Variants in RPS6KL1 observed in about 807,000 individuals in gnomAD.
RPS6KL1 encodes ribosomal protein S6 kinase like 1.
RPS6KL1 carries 41 observed loss-of-function variants against 57.0 expected under a neutral mutation model. That is an observed-to-expected ratio of 0.72 (90% confidence interval 0.56 to 0.93). RPS6KL1 has a LOEUF of 0.93. Ranked by LOEUF, RPS6KL1 falls within the 40% of genes least tolerant of loss-of-function variation. The probability of loss-of-function intolerance (pLI) is 0.00; values close to 1 mark genes in which losing one functional copy is unlikely to be tolerated. For synonymous variants in RPS6KL1, 287 were observed against 309.7 expected (o/e 0.93, Z 0.77); for missense variants, 697 against 727.7 (o/e 0.96, Z 0.49).
chr14:74,918,518 C>T lies in RPS6KL1; in HGVS notation c.478G>A (p.Glu160Lys), dbSNP rs866027458. The change falls in exon 5 of 12, where the codon GAG becomes AAG. Residue 160 changes from glutamate to lysine, a missense_variant. Physicochemically the swap from Glu to Lys is moderately conservative, Grantham distance 56. Coordinates refer to ENST00000557413, the MANE Select transcript of RPS6KL1 (RefSeq NM_031464.5). Reference sequence around the variant, plus strand: ...GCGAGTGTCCACTCACTCACCTTCTCGATGACCCCGACCACCCTGCAGCCC... The same window carrying T: ...GCGAGTGTCCACTCACTCACCTTCTTGATGACCCCGACCACCCTGCAGCCC... ...LRGCRVVGVIEKVQLVQDPAT... is the reference protein window; with the variant it reads ...LRGCRVVGVIKKVQLVQDPAT... 1.6e-5 allele frequency: 24 copies of T among 1,531,422 alleles called. No individual in the cohort carries two copies. The highest frequency in any genetic ancestry group is 2.5e-5 in the East Asian group (1 of 40,748). 94.9% of individuals were successfully genotyped at this position (1,531,422 alleles called of 1,614,324 possible).
chr14:74,921,241 C>A, intron 3 of RPS6KL1, 36 bp downstream of exon 3: 1 of 816,856 alleles, frequency 1.2e-6, no homozygotes, highest in South Asian at 1.4e-5. Context: ...TGGCCCTTCC[C>A]CACCCACCCC....
intron 3 of RPS6KL1, among the ~76,000 whole-genome samples, chr14:74,920,826 C>A (rs575628932): frequency 6.6e-4 from 100 of 152,306 alleles, no homozygotes; most frequent in African/African-American, 2.3e-3. Context: ...TCCCAGAGGG[C>A]AGGAGCCCAG....
At position 74,907,132 on chromosome 14, in the gene RPS6KL1, G is replaced by A. The variant is rs1885030321; in HGVS notation, c.1540-8C>T. ...AGGCTCGAACTGCAGCAGCTGCAGA[G>A]AGAGGCCCAGTCAGCTGGGCCACTC... On this transcript the variant is annotated splice_region_variant and splice_polypyrimidine_tract_variant and intron_variant, in intron 11 of 11. Transcript: ENST00000557413. 1 of 1,602,968 alleles carries A rather than the reference G, an allele frequency of 6.2e-7. No individual in the cohort carries two copies. The highest frequency in any genetic ancestry group is 1.7e-4 in the Middle Eastern group (1 of 6,006).
In RPS6KL1 at chr14:74,906,732, G is replaced by A; in HGVS notation, c.*282C>T. ...CACAGAAGGCAACCTTTAACATGGT[G>A]AGTCCACATGCTCAACGGGTCTGTT... On this transcript the variant is annotated 3_prime_UTR_variant, in exon 12 of 12. Coordinates refer to ENST00000557413, the MANE Select transcript of RPS6KL1 (RefSeq NM_031464.5). 1.7e-6 allele frequency: 1 copy of A among 602,500 alleles called. No individual in the cohort carries two copies. The highest frequency in any genetic ancestry group is 3.2e-6 in the Non-Finnish European group (1 of 311,592). 37.3% of individuals were successfully genotyped at this position (602,500 alleles called of 1,614,324 possible). A position where few individuals can be genotyped will look rare whatever the true frequency, so the allele number is the denominator to read the frequency against.
chr14:74,922,316 C>G lies in RPS6KL1; in HGVS notation c.-359G>C. 1.0e-6 allele frequency: 1 copy of G among 986,352 alleles called. No homozygotes were observed. The highest frequency in any genetic ancestry group is 1.2e-6 in the Non-Finnish European group (1 of 830,560). The allele number at this position is 986,352 out of a possible 1,614,324, so 61.1% of individuals were successfully genotyped here. ...CACCCTGCCTGTTGTCTCCTCCCTG[C>G]TCCTCCTGTGGGAATCTCATTTACC... On this transcript the variant is annotated 5_prime_UTR_variant, in exon 2 of 12. Transcript: ENST00000557413.
At position 74,911,154 on chromosome 14, in the gene RPS6KL1, G is replaced by A. The variant is rs766516767; in HGVS notation, c.664+94C>T. The A allele has an allele frequency of 5.3e-5, 68 of 1,284,372 alleles. No homozygotes were observed. In the African/African-American group the frequency reaches 6.8e-4, roughly 13 times the overall value. 79.6% of individuals were successfully genotyped at this position (1,284,372 alleles called of 1,614,324 possible). ...CCCAAAGTGCTGGGATTACAGGCGT[G>A]AGCCACCACGCCCTGCCAGGGCTCC... is the stretch of plus-strand genomic sequence containing the variant. On this transcript the variant is annotated intron_variant, in intron 7 of 11. Coordinates refer to ENST00000557413, the MANE Select transcript of RPS6KL1 (RefSeq NM_031464.5).
Position 74,911,327 on chromosome 14 carries a change from G to A in RPS6KL1, c.585C>T (p.His195=), listed in dbSNP as rs150276514. The A allele has an allele frequency of 1.5e-4, 246 of 1,611,812 alleles. No individual in the cohort carries two copies. In the Middle Eastern group the frequency reaches 1.7e-3, roughly 11 times the overall value. ...GCAGCTTCGTCATGTAGGGGACTCCGTGTGGGATGATGGTCAGCCGCTCCC... is the reference window on the plus strand; with the variant it reads ...GCAGCTTCGTCATGTAGGGGACTCCATGTGGGATGATGGTCAGCCGCTCCC... The part of the protein sequence containing the change: ...VSRERLTIIP[H]GVPYMTKLLR... Residue 195 remains histidine, a synonymous_variant, in exon 7 of 12, where the codon CAC becomes CAT. Transcript: ENST00000557413.
chr14:74,908,910 C>G lies in RPS6KL1; in HGVS notation c.1383G>C (p.Leu461=). Residue 461 remains leucine (L), a synonymous_variant, in exon 10 of 12, where the codon CTG becomes CTC. Coordinates refer to ENST00000557413, the MANE Select transcript of RPS6KL1 (RefSeq NM_031464.5). ...AGCTCCACCAGTCACAGGCTTCCGT[C>G]AGCTCGGAAATCCCACCCACCTCTG... is the stretch of plus-strand genomic sequence containing the variant. The part of the protein sequence containing the change: ...SAPEVGGISE[L]TEACDWWSFG... 6.2e-7 allele frequency: 1 copy of G among 1,613,826 alleles called. No homozygotes were observed. The highest frequency in any genetic ancestry group is 8.5e-7 in the Non-Finnish European group (1 of 1,179,826).
intron 5 of RPS6KL1, among the ~76,000 whole-genome samples, chr14:74,914,707 CTTT>C (rs1013481580): frequency 6.6e-6 from 1 of 152,082 alleles, no homozygotes; most frequent in African/African-American, 2.4e-5. Flanking sequence ...GCCTTGACTT[CTTT>C]GTTTATTATT....
In RPS6KL1 at chr14:74,903,963, T is replaced by G. The variant is rs891643262; in HGVS notation, c.*3051A>C. ...AAGAGTCAACCTCTGTAAAAATATT[T>G]GAAGAGATTTATTCTGAGCCAAGTG... On this transcript the variant is annotated 3_prime_UTR_variant, in exon 12 of 12. Coordinates refer to ENST00000557413, the MANE Select transcript of RPS6KL1 (RefSeq NM_031464.5). 4.6e-5 allele frequency: 7 copies of G among 152,224 alleles called. No individual in the cohort carries two copies. Among genetic ancestry groups the G allele is most frequent in the Non-Finnish European group, 7.3e-5 (5 of 68,048 alleles). 9.4% of individuals were successfully genotyped at this position (152,224 alleles called of 1,614,324 possible). A position where few individuals can be genotyped will look rare whatever the true frequency, so the allele number is the denominator to read the frequency against.
intron 5 of RPS6KL1, among the ~76,000 whole-genome samples, chr14:74,915,937 C>G (rs531771094): frequency 2.7e-3 from 416 of 152,326 alleles, no homozygotes; most frequent in African/African-American, 9.6e-3. Flanking sequence ...AGCAAATACC[C>G]GGTGATGTCT....
Position 74,911,591 on chromosome 14 carries a change from TTGTGTGTA to T in RPS6KL1, c.531+195_531+202del, listed in dbSNP as rs1885989760. On this transcript the variant is annotated intron_variant, in intron 6 of 11. Transcript: ENST00000557413. ...GGGGGCAGTGTGTGTGCATGTGTGT[TTGTGTGTA>T]TGTGTATGTGTATGTGTATGTGTGT... is the stretch of plus-strand genomic sequence containing the variant. The T allele has an allele frequency of 6.9e-6, 4 of 578,904 alleles. No individual in the cohort carries two copies. In the African/African-American group the frequency reaches 1.3e-4, roughly 19 times the overall value. The allele number at this position is 578,904 out of a possible 1,614,324, so 35.9% of individuals were successfully genotyped here.
chr14:74,908,871 C>T lies in RPS6KL1; in HGVS notation c.1422G>A (p.Leu474=). ...TCACCATTCCCGTCAGCAGTTCATA[C>T]AGTAGAGACCCAAAGCTCCACCAGT... ...ACDWWSFGSL[L]YELLTGMALS... is the part of the protein sequence containing the mutation. Residue 474 remains leucine (L), a synonymous_variant, in exon 10 of 12, where the codon CTG becomes CTA. Coordinates refer to ENST00000557413, the MANE Select transcript of RPS6KL1 (RefSeq NM_031464.5). The T allele has an allele frequency of 6.2e-7, 1 of 1,614,166 alleles. No individual in the cohort carries two copies. The highest frequency in any genetic ancestry group is 8.5e-7 in the Non-Finnish European group (1 of 1,179,994).
Position 74,921,370 on chromosome 14 carries a change from G to A in RPS6KL1, c.172C>T (p.Arg58Trp), listed in dbSNP as rs1361578594. ...DYLVDAATQIRLALERDVSED... is the reference protein window; with the variant it reads ...DYLVDAATQIWLALERDVSED... ...CTAACATCGCGCTCCAGGGCCAGCC[G>A]GATCTGCGTGGCCGCATCCACCAGA... is the stretch of plus-strand genomic sequence containing the variant. Residue 58 changes from arginine (R) to tryptophan (W), a missense_variant, in exon 3 of 12, where the codon CGG (arginine) becomes TGG (tryptophan). Arg to Trp is a moderately radical substitution (Grantham distance 101). Transcript: ENST00000557413. The A allele has an allele frequency of 7.4e-6, 12 of 1,614,132 alleles. No homozygotes were observed. The East Asian group carries it at 1.1e-4, about 15-fold the overall frequency.
chr14:74,920,932 A>G (rs1887726630), intron 3 of RPS6KL1, among the ~76,000 whole-genome samples: 1 of 152,244 alleles, frequency 6.6e-6, no homozygotes, highest in Admixed American at 6.5e-5. Flanking sequence ...AGCCTTGAGC[A>G]AGCTACTGAA....
chr14:74,916,336 G>A (rs1422229028), intron 5 of RPS6KL1, among the ~76,000 whole-genome samples: 1 of 152,172 alleles, frequency 6.6e-6, no homozygotes, highest in Admixed American at 6.5e-5. Flanking sequence ...GGGAGGTGAA[G>A]TCCTTAAGTT....
intron 1 of RPS6KL1, among the ~76,000 whole-genome samples, chr14:74,922,719 G>A (rs1462699441): frequency 2.0e-5 from 3 of 152,230 alleles, no homozygotes; most frequent in African/African-American, 4.8e-5. Context: ...CTCAGAGAGA[G>A]GCCCACAAAG....
intron 4 of RPS6KL1, 57 bp downstream of exon 4, chr14:74,919,788 G>A: frequency 6.3e-7 from 1 of 1,588,754 alleles, no homozygotes; most frequent in Non-Finnish European, 8.6e-7. Context: ...GGCCTCCGCA[G>A]TCTCCCCTCA....
chr14:74,922,573 G>A (rs1481565800), intron 1 of RPS6KL1, 88 bp from the exon 2 acceptor site: 1 of 153,192 alleles, frequency 6.5e-6, no homozygotes, highest in Non-Finnish European at 1.5e-5. Flanking sequence ...GCCCCAGGGA[G>A]GGTCGCTCTG....
Sources: gnomAD v4.1 joint callset for allele counts (sites outside exome capture counted in the v4.1 genomes callset) on GRCh38, gnomAD v4.1.1 for gene constraint, MANE v1.5 for transcripts, NCBI Gene and HGNC (gene_info 2026-07-23, HGNC 2026-07-21) for gene names.